CNTNAP2: variants seen among roughly 807,000 people sequenced by gnomAD.
CNTNAP2 encodes contactin-associated protein-like 2.
A neutral mutation model predicts 155.2 loss-of-function variants in CNTNAP2; 98 were observed. That is an observed-to-expected ratio of 0.63 (90% CI 0.54 to 0.75). The LOEUF (loss-of-function observed/expected upper bound fraction) is 0.75, where lower values mean the gene tolerates loss of function less well. Ranked by LOEUF, CNTNAP2 falls within the 30% of genes least tolerant of loss-of-function variation. The pLI is 0.00. For synonymous variants in CNTNAP2, 651 were observed against 631.2 expected (o/e 1.03, Z -0.47); for missense variants, 1,727 against 1,688.1 (o/e 1.02, Z -0.40).
chr7:147,046,423 A>T (rs1183162964), intron 4 of CNTNAP2, among the ~76,000 whole-genome samples: 2 of 152,352 alleles, frequency 1.3e-5, no homozygotes, highest in East Asian at 3.9e-4. Flanking sequence ...TCTGAGAATT[A>T]TCTGTGCTGA....
At chr7:146,932,716 G>T (rs895712006) in intron 3 of CNTNAP2, among the ~76,000 whole-genome samples, 2 of 152,154 alleles carry the variant, frequency 1.3e-5, no homozygotes, top group Non-Finnish European at 2.9e-5. Flanking sequence ...ATCTCCTTAA[G>T]CTGATAAGCA....
chr7:147,878,754 A>T (rs963214307), intron 13 of CNTNAP2, among the ~76,000 whole-genome samples: 1 of 152,224 alleles, frequency 6.6e-6, no homozygotes, highest in Admixed American at 6.5e-5. Flanking sequence ...TTTTGAGAAT[A>T]TTCAACATGA....
At chr7:146,761,328 AGG>A (rs1491240636) in intron 1 of CNTNAP2, among the ~76,000 whole-genome samples, 243 of 146,996 alleles carry the variant, frequency 1.7e-3, no homozygotes, top group African/African-American at 6.0e-3. Flanking sequence ...GAAGGAAGGA[AGG>A]AAGGAAAATA....
Position 147,964,051 on chromosome 7 carries a change from G to A in CNTNAP2, c.2256-13811G>A, listed in dbSNP as rs532351680. Among the ~76,000 whole-genome samples the A allele has an allele frequency of 5.5e-4, 84 of 152,156 alleles. 1 individual carries two copies. Among genetic ancestry groups the A allele is most frequent in the Non-Finnish European group, 1.1e-3 (72 of 68,002 alleles). The stretch of plus-strand genomic sequence containing the variant: ...CAGGGTCATTAAGGAAATTATTTAG[G>A]TAAAATGAGGCCACAAGAATGGGGC... On this transcript the variant is annotated intron_variant, in intron 14 of 23. Transcript: ENST00000361727.
chr7:146,995,058 T>A (rs1798281259), intron 3 of CNTNAP2, among the ~76,000 whole-genome samples: 1 of 152,092 alleles, frequency 6.6e-6, no homozygotes, highest in African/African-American at 2.4e-5. Context: ...ATTTGTTTTT[T>A]GATTCTACAT....
chr7:148,190,854 CAGAGAGAGAGAGAG>C (rs10532093), intron 18 of CNTNAP2: 1 of 146,296 alleles, frequency 6.8e-6, no homozygotes, highest in African/African-American at 2.5e-5. Context: ...AGGGGAAAGA[CAGAGAGAGAGAGAG>C]AGAGAGAGAG....
At chr7:147,446,766 G>A (rs1473768780) in intron 10 of CNTNAP2, among the ~76,000 whole-genome samples, 1 of 152,190 alleles carries the variant, frequency 6.6e-6, no homozygotes, top group Non-Finnish European at 1.5e-5. Flanking sequence ...TATGGGCAAA[G>A]TTTAAAATGT....
chr7:147,052,897 T>A (rs1350417380), intron 4 of CNTNAP2, among the ~76,000 whole-genome samples: 2 of 151,914 alleles, frequency 1.3e-5, no homozygotes, highest in East Asian at 3.8e-4. Context: ...TTATTAGATT[T>A]AAAAAAAATA....
intron 1 of CNTNAP2, among the ~76,000 whole-genome samples, chr7:146,132,565 C>T (rs1287922639): frequency 9.1e-6 from 1 of 109,786 alleles, no homozygotes; most frequent in Non-Finnish European, 1.8e-5. Context: ...TCCCTCCCCC[C>T]TCCCCCCACC....
At chr7:146,735,788 C>A (rs915721527) in intron 1 of CNTNAP2, among the ~76,000 whole-genome samples, 3 of 139,912 alleles carry the variant, frequency 2.1e-5, no homozygotes, top group African/African-American at 1.0e-4. Flanking sequence ...GATTGGTTAA[C>A]AGACGTAAAA....
chr7:146,819,519 C>G (rs993503540), intron 2 of CNTNAP2, among the ~76,000 whole-genome samples: 5 of 152,100 alleles, frequency 3.3e-5, no homozygotes, highest in Admixed American at 3.3e-4. Context: ...TAGACATTGG[C>G]ACGTCCCATC....
chr7:146,853,116 C>T (rs978237852), intron 3 of CNTNAP2, among the ~76,000 whole-genome samples: 3 of 152,064 alleles, frequency 2.0e-5, no homozygotes, highest in Admixed American at 6.6e-5. Context: ...ACGTCCAGTC[C>T]CTTTGGAAAG....
At chr7:146,425,820 C>A (rs768090128) in intron 1 of CNTNAP2, among the ~76,000 whole-genome samples, 1 of 151,812 alleles carries the variant, frequency 6.6e-6, no homozygotes, top group Non-Finnish European at 1.5e-5. Flanking sequence ...TTGTCTTCCA[C>A]CTTTTGAGGA....
intron 16 of CNTNAP2, among the ~76,000 whole-genome samples, chr7:148,128,527 T>A (rs1041415001): frequency 6.6e-6 from 1 of 152,216 alleles, no homozygotes; most frequent in Non-Finnish European, 1.5e-5. Context: ...AATAGCTTTT[T>A]GTTCTTAATA....
chr7:147,486,076 T>C (rs1324629162), intron 11 of CNTNAP2, 35 bp downstream of exon 11: 2 of 1,558,206 alleles, frequency 1.3e-6, no homozygotes, highest in Non-Finnish European at 1.8e-6. Context: ...AATCTTGTAA[T>C]TGCATGAGAA....
intron 1 of CNTNAP2, among the ~76,000 whole-genome samples, chr7:146,671,826 AT>A (rs879483163): frequency 2.7e-5 from 4 of 150,300 alleles, no homozygotes; most frequent in South Asian, 2.1e-4. Flanking sequence ...TTTTATTTTT[AT>A]TTTTTTTTGA....
At chr7:147,406,720 A>G (rs186791771) in intron 10 of CNTNAP2, among the ~76,000 whole-genome samples, 9 of 152,354 alleles carry the variant, frequency 5.9e-5, no homozygotes, top group Non-Finnish European at 1.0e-4. Flanking sequence ...TGAGTAAGAA[A>G]GGAATGCAGA....
At chr7:147,693,700 A>G (rs762501706) in intron 13 of CNTNAP2, among the ~76,000 whole-genome samples, 1 of 151,692 alleles carries the variant, frequency 6.6e-6, no homozygotes, top group Non-Finnish European at 1.5e-5. Context: ...CAACCTTACT[A>G]CAATTTCTTA....
At chr7:146,972,782 T>C (rs143752575) in intron 3 of CNTNAP2, among the ~76,000 whole-genome samples, 3 of 152,300 alleles carry the variant, frequency 2.0e-5, no homozygotes, top group African/African-American at 7.2e-5. Flanking sequence ...TTTATTAATG[T>C]ATTTGAAAAT....
Sources: gnomAD v4.1 joint callset for allele counts (sites outside exome capture counted in the v4.1 genomes callset) on GRCh38, gnomAD v4.1.1 for gene constraint, MANE v1.5 for transcripts, NCBI Gene and HGNC (gene_info 2026-07-23, HGNC 2026-07-21) for gene names.